Variants in PLCXD3 observed in about 807,000 individuals in gnomAD.
The protein encoded by PLCXD3 is PI-PLC X domain-containing protein 3.
Under a neutral mutation model 25.5 loss-of-function variants are expected in PLCXD3, and 19 were observed. The observed-to-expected ratio is 0.75, with a 90% CI of 0.52 to 1.09. The LOEUF is 1.09. Among genes scored for constraint, PLCXD3 ranks in the 50% least tolerant of loss-of-function variants. PLCXD3 has a pLI of 0.00. For missense variants in PLCXD3, 411 were observed against 388.1 expected (o/e 1.06, Z -0.50); for synonymous variants, 174 against 137.6 (o/e 1.26, Z -1.85).
intron 1 of PLCXD3, among the ~76,000 whole-genome samples, chr5:41,488,373 G>C (rs1359984564): frequency 7.6e-6 from 1 of 131,544 alleles, no homozygotes; most frequent in East Asian, 2.1e-4. Flanking sequence ...ATTGTGAATA[G>C]TGCTGCAATA....
At chr5:41,319,147 G>A (rs959308965) in intron 2 of PLCXD3, among the ~76,000 whole-genome samples, 2 of 152,076 alleles carry the variant, frequency 1.3e-5, no homozygotes, top group Admixed American at 6.5e-5. Context: ...GAGAGAAATA[G>A]GCCCTAAAAC....
At chr5:41,367,500 T>C (rs192893014) in intron 2 of PLCXD3, among the ~76,000 whole-genome samples, 141 of 152,304 alleles carry the variant, frequency 9.3e-4, no homozygotes, top group East Asian at 6.9e-3. Flanking sequence ...TGTTTTTTTC[T>C]TGTAAATTTG....
At chr5:41,474,128 A>G (rs1293601304) in intron 1 of PLCXD3, among the ~76,000 whole-genome samples, 1 of 152,226 alleles carries the variant, frequency 6.6e-6, no homozygotes, top group Non-Finnish European at 1.5e-5. Flanking sequence ...GTTTTAAAGG[A>G]AGGGTCCAGG....
intron 1 of PLCXD3, 24 bp from the exon 2 acceptor site, chr5:41,382,558 G>A (rs767213224): frequency 6.5e-7 from 1 of 1,534,394 alleles, no homozygotes; most frequent in East Asian, 2.3e-5. Flanking sequence ...AAGGCATAGT[G>A]TGGTTAATTT....
intron 1 of PLCXD3, among the ~76,000 whole-genome samples, chr5:41,471,873 T>G (rs1392427332): frequency 7.5e-4 from 1 of 1,334 alleles, no homozygotes; most frequent in African/African-American, 1.5e-3. Context: ...TTCCCTTCCC[T>G]TCCCCTCCCT....
intron 2 of PLCXD3, among the ~76,000 whole-genome samples, chr5:41,318,565 C>T (rs1308578797): frequency 6.6e-6 from 1 of 152,032 alleles, no homozygotes. Flanking sequence ...TGCACACTTC[C>T]TGGTAACCTA....
chr5:41,315,913 C>T (rs1177975367), intron 2 of PLCXD3, among the ~76,000 whole-genome samples: 2 of 152,192 alleles, frequency 1.3e-5, no homozygotes, highest in Admixed American at 1.3e-4. Flanking sequence ...TGAGTGCCTG[C>T]AAATCTCACC....
rs71608606 is a variant in PLCXD3, at chr5:41,372,347, C to CACATAT, written c.812+9478_812+9479insATATGT. Among the ~76,000 whole-genome samples, 81 of 132,474 alleles carry CACATAT rather than the reference C, an allele frequency of 6.1e-4. 1 individual carries two copies. Among genetic ancestry groups the CACATAT allele is most frequent in the Middle Eastern group, 4.0e-3 (1 of 250 alleles). 86.9% of individuals were successfully genotyped at this position (132,474 alleles called of 152,430 possible). On this transcript the variant is annotated intron_variant, in intron 2 of 2. Coordinates refer to ENST00000377801, the MANE Select transcript of PLCXD3 (RefSeq NM_001005473.3). ...ACACACACACACACACACACACACA[C>CACATAT]ACCAGGCACTGAATAGATATCTGAC...
chr5:41,320,038 C>T (rs559854885), intron 2 of PLCXD3, among the ~76,000 whole-genome samples: 1 of 152,124 alleles, frequency 6.6e-6, no homozygotes, highest in African/African-American at 2.4e-5. Flanking sequence ...CACATACAAC[C>T]TACCAAGATT....
At chr5:41,464,905 T>C (rs1747976655) in intron 1 of PLCXD3, among the ~76,000 whole-genome samples, 1 of 152,030 alleles carries the variant, frequency 6.6e-6, no homozygotes, top group Non-Finnish European at 1.5e-5. Flanking sequence ...TTTCTGATCT[T>C]CTATTCAATG....
intron 2 of PLCXD3, 94 bp downstream of exon 2, chr5:41,381,732 T>C: frequency 8.5e-7 from 1 of 1,176,168 alleles, no homozygotes; most frequent in African/African-American, 1.5e-5. Flanking sequence ...GGACCTAATA[T>C]ACATAGGTAT....
At chr5:41,328,786 T>A (rs2150472935) in intron 2 of PLCXD3, among the ~76,000 whole-genome samples, 1 of 152,308 alleles carries the variant, frequency 6.6e-6, no homozygotes, top group African/African-American at 2.4e-5. Context: ...TAAGAACTGG[T>A]TTTAAAAAGA....
At chr5:41,328,739 T>C (rs753841804) in intron 2 of PLCXD3, among the ~76,000 whole-genome samples, 47 of 152,142 alleles carry the variant, frequency 3.1e-4, no homozygotes, top group Non-Finnish European at 4.1e-4. Flanking sequence ...AATGAAGAGA[T>C]GTGAGAACCA....
chr5:41,319,807 A>C (rs1743409160), intron 2 of PLCXD3, among the ~76,000 whole-genome samples: 1 of 152,168 alleles, frequency 6.6e-6, no homozygotes, highest in African/African-American at 2.4e-5. Context: ...ACAAAAGATC[A>C]ATAAAACAAA....
chr5:41,453,873 G>A (rs553731848), intron 1 of PLCXD3, among the ~76,000 whole-genome samples: 6 of 151,998 alleles, frequency 3.9e-5, no homozygotes, highest in Non-Finnish European at 8.8e-5. Context: ...TGAGGGCCAT[G>A]GTTCAACTAT....
At chr5:41,391,876 G>A (rs567040665) in intron 1 of PLCXD3, among the ~76,000 whole-genome samples, 1 of 152,266 alleles carries the variant, frequency 6.6e-6, no homozygotes, top group East Asian at 1.9e-4. Context: ...TGACTTAAGG[G>A]AACATAGGCC....
chr5:41,381,710 T>C (rs1005395818), intron 2 of PLCXD3, 116 bp downstream of exon 2: 103 of 890,414 alleles, frequency 1.2e-4, no homozygotes, highest in Admixed American at 1.8e-4. Context: ...TACTTTGCTA[T>C]TGCAGCCCCA....
intron 1 of PLCXD3, among the ~76,000 whole-genome samples, chr5:41,429,296 C>G (rs1747037922): frequency 6.6e-6 from 1 of 151,738 alleles, no homozygotes; most frequent in African/African-American, 2.4e-5. Flanking sequence ...ACTGAAAACT[C>G]AACAGAATAG....
intron 2 of PLCXD3, among the ~76,000 whole-genome samples, chr5:41,370,538 G>A (rs1745065171): frequency 6.6e-6 from 1 of 152,122 alleles, no homozygotes; most frequent in Admixed American, 6.5e-5. Context: ...GGTTAGGTAG[G>A]ACACGCTTAC....
Sources: allele counts gnomAD v4.1 joint callset (sites outside exome capture counted in the v4.1 genomes callset), GRCh38; gene constraint gnomAD v4.1.1; transcripts MANE v1.5; gene names NCBI Gene and HGNC (gene_info 2026-07-23, HGNC 2026-07-21).